Variants in RNLS observed in about 807,000 individuals in gnomAD.
RNLS encodes the protein renalase, FAD dependent amine oxidase, also known as renalase.
In RNLS, 39 loss-of-function variants were observed where a neutral mutation model predicts 39.8. The ratio of observed to expected loss-of-function variants is 0.98; its 90% CI spans 0.76 to 1.28. RNLS has a LOEUF of 1.28. RNLS is among the 50% of genes most tolerant of loss of function. The pLI is 0.00. For synonymous variants in RNLS, 147 were observed against 150.7 expected (o/e 0.98, Z 0.18); for missense variants, 410 against 413.3 (o/e 0.99, Z 0.07).
In RNLS at chr10:88,284,749, C is replaced by G. The variant is rs1843154407; in HGVS notation, c.*605G>C. ...TGGGAAAATCATGTGGAATCTTATA[C>G]TTTCTGAAAATCTGAAGGAAGGTCT... On this transcript the variant is annotated 3_prime_UTR_variant, in exon 7 of 7. Transcript: ENST00000331772. 1.0e-6 allele frequency: 1 copy of G among 985,212 alleles called. No individual in the cohort carries two copies. Among genetic ancestry groups the G allele is most frequent in the Non-Finnish European group, 1.2e-6 (1 of 829,904 alleles). 61.0% of individuals were successfully genotyped at this position (985,212 alleles called of 1,614,324 possible).
chr10:88,234,686 G>A, the RNLS span, among the ~76,000 whole-genome samples: 67 of 152,224 alleles, frequency 4.4e-4, no homozygotes, highest in South Asian at 0.013. Context: ...GATAAGGTCC[G>A]TCCTGAGTTT....
intron 5 of RNLS, among the ~76,000 whole-genome samples, chr10:88,349,942 CTA>C (rs1470045889): frequency 2.0e-5 from 3 of 151,986 alleles, no homozygotes; most frequent in African/African-American, 7.2e-5. Context: ...TTACAAATAA[CTA>C]TGTCTATTAT....
intron 4 of RNLS, among the ~76,000 whole-genome samples, chr10:88,507,258 GAC>G (rs1416192350): frequency 1.3e-5 from 2 of 151,666 alleles, no homozygotes; most frequent in Non-Finnish European, 2.9e-5. Context: ...CTGTCCCAAA[GAC>G]ACACACACGC....
At chr10:88,366,999 C>T (rs1850167581) in intron 4 of RNLS, among the ~76,000 whole-genome samples, 1 of 151,968 alleles carries the variant, frequency 6.6e-6, no homozygotes, top group South Asian at 2.1e-4. Flanking sequence ...AGTCAACTAA[C>T]TCATTAAAAC....
intron 4 of RNLS, among the ~76,000 whole-genome samples, chr10:88,379,225 GAATTA>G (rs1851263111): frequency 6.6e-6 from 1 of 152,182 alleles, no homozygotes; most frequent in African/African-American, 2.4e-5. Flanking sequence ...GTTGAAGAGT[GAATTA>G]AATTAATAAC....
At chr10:88,182,700 A>T in the RNLS span, among the ~76,000 whole-genome samples, 551 of 151,750 alleles carry the variant, frequency 3.6e-3, 1 homozygote, top group Middle Eastern at 0.01. Context: ...TGTGTGTGTG[A>T]GAGAGTGATT....
At chr10:88,420,079 T>A (rs1303796054) in intron 4 of RNLS, among the ~76,000 whole-genome samples, 6 of 143,322 alleles carry the variant, frequency 4.2e-5, no homozygotes, top group Non-Finnish European at 7.6e-5. Context: ...AATAAATAAA[T>A]AAAATAATAA....
the RNLS span, among the ~76,000 whole-genome samples, chr10:88,223,205 T>C: frequency 1.2e-4 from 19 of 152,258 alleles, no homozygotes; most frequent in Non-Finnish European, 2.5e-4. Flanking sequence ...ATTTCAGTTT[T>C]AGGTTTCCCG....
At chr10:88,239,491 C>G in the RNLS span, among the ~76,000 whole-genome samples, 1 of 152,350 alleles carries the variant, frequency 6.6e-6, no homozygotes, top group East Asian at 1.9e-4. Flanking sequence ...GCCACTCAGA[C>G]TTTTCCAGCA....
intron 4 of RNLS, among the ~76,000 whole-genome samples, chr10:88,383,889 T>C (rs952230354): frequency 2.0e-5 from 3 of 152,148 alleles, no homozygotes; most frequent in Non-Finnish European, 4.4e-5. Context: ...CAGATGGGCA[T>C]GGGCAATTGA....
intron 6 of RNLS, among the ~76,000 whole-genome samples, chr10:88,276,983 C>G (rs1341554030): frequency 6.6e-6 from 1 of 152,110 alleles, no homozygotes; most frequent in Admixed American, 6.6e-5. Flanking sequence ...AACGATAGTC[C>G]TTTGTTGATT....
At chr10:88,490,647 A>G (rs1465746798) in intron 4 of RNLS, among the ~76,000 whole-genome samples, 1 of 152,170 alleles carries the variant, frequency 6.6e-6, no homozygotes, top group African/African-American at 2.4e-5. Flanking sequence ...TAAAATGTGC[A>G]TTCATTCATT....
At chr10:88,563,043 T>C (rs1011587530) in intron 4 of RNLS, among the ~76,000 whole-genome samples, 4 of 152,152 alleles carry the variant, frequency 2.6e-5, no homozygotes, top group Non-Finnish European at 5.9e-5. Flanking sequence ...AGCTATAAAA[T>C]TTTACTGAGG....
chr10:88,204,304 C>T, the RNLS span, among the ~76,000 whole-genome samples: 1 of 152,178 alleles, frequency 6.6e-6, no homozygotes. Context: ...GTTCAAATGT[C>T]TGTCGGAATC....
intron 4 of RNLS, among the ~76,000 whole-genome samples, chr10:88,377,419 A>AT (rs1303809566): frequency 6.6e-6 from 1 of 152,140 alleles, no homozygotes; most frequent in African/African-American, 2.4e-5. Flanking sequence ...TCATTAGGTG[A>AT]TTTTGCATTA....
At chr10:88,536,082 C>T (rs1847739305) in intron 4 of RNLS, among the ~76,000 whole-genome samples, 2 of 152,124 alleles carry the variant, frequency 1.3e-5, no homozygotes. Flanking sequence ...GGCTCTGATA[C>T]CTAACAATAG....
At chr10:88,538,997 T>C (rs746332844) in intron 4 of RNLS, among the ~76,000 whole-genome samples, 3 of 152,170 alleles carry the variant, frequency 2.0e-5, no homozygotes, top group Non-Finnish European at 2.9e-5. Context: ...GGGTGACACA[T>C]TCTGTGCCCA....
At chr10:88,393,030 T>A (rs1223066127) in intron 4 of RNLS, among the ~76,000 whole-genome samples, 1 of 152,200 alleles carries the variant, frequency 6.6e-6, no homozygotes, top group Admixed American at 6.5e-5. Flanking sequence ...TAGGTATTGA[T>A]GGAACGTATC....
At chr10:88,261,327 C>G in the RNLS span, among the ~76,000 whole-genome samples, 7 of 152,220 alleles carry the variant, frequency 4.6e-5, no homozygotes, top group Admixed American at 3.9e-4. Context: ...CCCCACCACA[C>G]TAGTCAGGAG....
Sources: gnomAD v4.1 joint callset for allele counts (sites outside exome capture counted in the v4.1 genomes callset) on GRCh38, gnomAD v4.1.1 for gene constraint, MANE v1.5 for transcripts, NCBI Gene and HGNC (gene_info 2026-07-23, HGNC 2026-07-21) for gene names.